The following UVRAG variants were observed in gnomAD, a reference collection of about 807,000 sequenced individuals.
UVRAG encodes UV radiation resistance associated, also known as UV radiation resistance-associated gene protein.
UVRAG carries 19 observed loss-of-function variants against 78.0 expected under a neutral mutation model. The ratio of observed to expected loss-of-function variants is 0.24; its 90% CI spans 0.17 to 0.36. The LOEUF is 0.36. Among genes scored for constraint, UVRAG ranks in the 10% least tolerant of loss-of-function variants. UVRAG has a pLI of 1.00. For missense variants in UVRAG, 740 were observed against 853.8 expected, an observed-to-expected ratio of 0.87 and a Z score of 1.66; for synonymous variants, 323 against 324.6, an observed-to-expected ratio of 1.00 and a Z score of 0.05.
At chr11:76,030,852 T>C (rs1235094564) in intron 12 of UVRAG, among the ~76,000 whole-genome samples, 1 of 152,182 alleles carries the variant, frequency 6.6e-6, no homozygotes, top group Non-Finnish European at 1.5e-5. Flanking sequence ...CTATATAGTA[T>C]CACAGAAATG....
intron 1 of UVRAG, among the ~76,000 whole-genome samples, chr11:75,817,306 C>T (rs1945280138): frequency 6.6e-6 from 1 of 152,136 alleles, no homozygotes; most frequent in Non-Finnish European, 1.5e-5. Flanking sequence ...AAAGAGAAAG[C>T]ATCATTTACT....
intron 13 of UVRAG, among the ~76,000 whole-genome samples, chr11:76,072,312 GT>G (rs1278553723): frequency 6.6e-6 from 1 of 152,192 alleles, no homozygotes; most frequent in Non-Finnish European, 1.5e-5. Flanking sequence ...CCAGTTATGG[GT>G]TTGTAACTGG....
chr11:76,006,830 C>T (rs1228502176), intron 9 of UVRAG, among the ~76,000 whole-genome samples: 1 of 151,944 alleles, frequency 6.6e-6, no homozygotes, highest in Non-Finnish European at 1.5e-5. Flanking sequence ...GAAATACCAT[C>T]CAGATCTTTC....
intron 4 of UVRAG, among the ~76,000 whole-genome samples, chr11:75,881,250 G>A (rs1946937838): frequency 6.6e-6 from 1 of 152,146 alleles, no homozygotes; most frequent in Non-Finnish European, 1.5e-5. Context: ...CCAGAAAGAC[G>A]TGCCCAAGGT....
chr11:76,068,635 C>CT (rs1196546142), intron 13 of UVRAG, among the ~76,000 whole-genome samples: 6 of 152,132 alleles, frequency 3.9e-5, no homozygotes, highest in African/African-American at 1.2e-4. Context: ...TGACCTTTCA[C>CT]TTTTTTTGCT....
intron 7 of UVRAG, among the ~76,000 whole-genome samples, chr11:75,962,529 G>A (rs1259264422): frequency 6.6e-6 from 1 of 152,132 alleles, no homozygotes; most frequent in Admixed American, 6.5e-5. Context: ...TAGCTGGCAG[G>A]TAGCAAACAT....
At chr11:76,119,770 C>T (rs1363305444) in intron 14 of UVRAG, among the ~76,000 whole-genome samples, 1 of 152,246 alleles carries the variant, frequency 6.6e-6, no homozygotes, top group East Asian at 1.9e-4. Context: ...AACAGCTGCA[C>T]CAGTGCAATT....
Position 75,852,115 on chromosome 11 carries a change from A to C in UVRAG, c.235+115A>C. The C allele has an allele frequency of 4.5e-6, 3 of 659,716 alleles. No homozygotes were observed. In the South Asian group the frequency reaches 6.1e-5, roughly 13 times the overall value. The allele number at this position is 659,716 out of a possible 1,614,324, so 40.9% of individuals were successfully genotyped here. ...TGGCTTCTCGGAAACCTAAATTGTT[A>C]TGCTGTCTGAAAATATCTCATGAGC... On this transcript the variant is annotated intron_variant, in intron 2 of 14. Coordinates refer to ENST00000356136, the MANE Select transcript of UVRAG (RefSeq NM_003369.4).
At position 76,021,419 on chromosome 11, in the gene UVRAG, T is replaced by G. The variant is rs552373469; in HGVS notation, c.1226+4439T>G. ...ACTGCATTTTCTTTCTTCTTTTTCA[T>G]AGTCATTCTAGTTAAAGATTTGTCA... On this transcript the variant is annotated intron_variant, in intron 12 of 14. Coordinates refer to ENST00000356136, the MANE Select transcript of UVRAG (RefSeq NM_003369.4). 5.1e-4 allele frequency among the ~76,000 whole-genome samples: 77 copies of G among 152,188 alleles called. 1 individual carries two copies. Among genetic ancestry groups the G allele is most frequent in the Non-Finnish European group, 8.8e-4 (60 of 68,022 alleles).
chr11:75,903,801 G>A (rs1240382496), intron 5 of UVRAG, among the ~76,000 whole-genome samples: 2 of 152,164 alleles, frequency 1.3e-5, no homozygotes, highest in Non-Finnish European at 1.5e-5. Context: ...TGTACTCGGT[G>A]TTCAGTAAAC....
At chr11:76,089,341 T>C (rs946393596) in intron 13 of UVRAG, among the ~76,000 whole-genome samples, 6 of 152,222 alleles carry the variant, frequency 3.9e-5, no homozygotes, top group Non-Finnish European at 5.9e-5. Context: ...CAAAGTGTTA[T>C]AGTGTTTTCT....
chr11:76,126,232 T>C (rs147251657), intron 14 of UVRAG, among the ~76,000 whole-genome samples: 15,722 of 152,116 alleles, frequency 0.1, 1,896 homozygotes, highest in African/African-American at 0.3. Context: ...TGAGCCACCA[T>C]GCCCGGCCTG....
rs887369109 is a variant in UVRAG, at chr11:75,949,234, G to C, written c.594-12210G>C. On this transcript the variant is annotated intron_variant, in intron 6 of 14. Transcript: ENST00000356136. ...TTGATGGGCTGTTCCTTTAACTGCTGTCATACCAGCTCTCCCAGCTGTCCT... is the reference window on the plus strand; with the variant it reads ...TTGATGGGCTGTTCCTTTAACTGCTCTCATACCAGCTCTCCCAGCTGTCCT... 1.2e-4 allele frequency among the ~76,000 whole-genome samples: 19 copies of C among 152,188 alleles called. No individual in the cohort carries two copies. In the South Asian group the frequency reaches 3.9e-3, roughly 32 times the overall value.
intron 1 of UVRAG, among the ~76,000 whole-genome samples, chr11:75,846,513 T>C (rs1221188601): frequency 6.6e-6 from 1 of 152,230 alleles, no homozygotes; most frequent in Non-Finnish European, 1.5e-5. Flanking sequence ...CTAGGACTTT[T>C]ATAGTTTTGC....
rs1952706535 is a variant in UVRAG, at chr11:76,140,828, A to C, written c.1515A>C (p.Lys505Asn). The part of the protein sequence containing the change: ...GIPSPDKGHR[K>N]RASSENERLQ... ...CTTCACCAGACAAAGGACATCGAAA[A>C]CGGGCCAGCTCTGAGAATGAGAGAC... The change falls in exon 15 of 15, where the codon AAA (lysine) becomes AAC (asparagine). Residue 505 changes from lysine to asparagine, a missense_variant. Transcript: ENST00000356136. The C allele has an allele frequency of 1.9e-6, 3 of 1,613,936 alleles. No homozygotes were observed. The South Asian group carries it at 3.3e-5, about 18-fold the overall frequency.
In UVRAG at chr11:76,017,701, A is replaced by G. The variant is rs79712431; in HGVS notation, c.1226+721A>G. On this transcript the variant is annotated intron_variant, in intron 12 of 14. Coordinates refer to ENST00000356136, the MANE Select transcript of UVRAG (RefSeq NM_003369.4). The stretch of plus-strand genomic sequence containing the variant: ...AGTAAGACTGAAAGCTGATTTCTCA[A>G]TGGAACAATGGAAGCCAGATGGTGA... 4.4e-3 allele frequency among the ~76,000 whole-genome samples: 667 copies of G among 152,286 alleles called. 4 individuals carry two copies. Among genetic ancestry groups the G allele is most frequent in the African/African-American group, 0.015 (623 of 41,578 alleles).
chr11:75,907,270 C>T (rs546199319), intron 5 of UVRAG, among the ~76,000 whole-genome samples: 50 of 152,186 alleles, frequency 3.3e-4, no homozygotes, highest in African/African-American at 1.1e-3. Flanking sequence ...AAGCAATCAC[C>T]TTGTCTTTCT....
chr11:75,886,177 A>T (rs1171760596), intron 4 of UVRAG, among the ~76,000 whole-genome samples: 2 of 152,276 alleles, frequency 1.3e-5, no homozygotes, highest in East Asian at 3.9e-4. Flanking sequence ...CTTTTCAAGT[A>T]CTAGTACTAT....
rs529922191 is a variant in UVRAG at position 76,071,080 on chromosome 11, C to T, written c.1305+5292C>T. Among the ~76,000 whole-genome samples, 26 of 152,190 alleles carry T rather than the reference C, an allele frequency of 1.7e-4. No homozygotes were observed. In the South Asian group the frequency reaches 5.0e-3, roughly 29 times the overall value. ...AAAAGAAAAAGAAAGATCCCTGTCT[C>T]GTTAAGCTTATAACCTGATGGGAAG... On this transcript the variant is annotated intron_variant, in intron 13 of 14. Coordinates refer to ENST00000356136, the MANE Select transcript of UVRAG (RefSeq NM_003369.4).
Sources: allele counts gnomAD v4.1 joint callset (sites outside exome capture counted in the v4.1 genomes callset), GRCh38; gene constraint gnomAD v4.1.1; transcripts MANE v1.5; gene names NCBI Gene and HGNC (gene_info 2026-07-23, HGNC 2026-07-21).